The following CXCL8 variants were observed in gnomAD, a reference collection of about 807,000 sequenced individuals.
The protein encoded by CXCL8 is C-X-C motif chemokine ligand 8.
In CXCL8, 12 loss-of-function variants were observed where a neutral mutation model predicts 10.9. That is an observed-to-expected ratio of 1.10 (90% CI 0.71 to 1.79). CXCL8 has a LOEUF of 1.79. Among genes scored for constraint, CXCL8 ranks in the 40% most tolerant of loss-of-function variants. CXCL8 has a pLI of 0.00. For missense variants in CXCL8, 145 were observed against 113.4 expected (o/e 1.28, Z -1.26); for synonymous variants, 41 against 39.6 (o/e 1.03, Z -0.13).
At chr4:73,741,426 A>G (rs1211363562) in intron 1 of CXCL8, 116 bp from the exon 2 acceptor site, 3 of 964,606 alleles carry the variant, frequency 3.1e-6, no homozygotes, top group South Asian at 1.7e-5. Context: ...TGAGTTCACT[A>G]GAAACATGAT....
rs1438640877 is a variant in CXCL8 at position 73,741,778 on chromosome 4, T to G, written c.200+101T>G. ...GTTCCAGGTGTTAGGATTACAGTAGTAAATGAAACAAAACAAAATAAAAAT... is the reference window on the plus strand; with the variant it reads ...GTTCCAGGTGTTAGGATTACAGTAGGAAATGAAACAAAACAAAATAAAAAT... On this transcript the variant is annotated intron_variant, in intron 2 of 3. Transcript: ENST00000307407. The G allele has an allele frequency of 2.6e-6, 3 of 1,157,440 alleles. No homozygotes were observed. In the African/African-American group the frequency reaches 4.8e-5, roughly 18 times the overall value. 71.7% of individuals were successfully genotyped at this position (1,157,440 alleles called of 1,614,324 possible). A position where few individuals can be genotyped will look rare whatever the true frequency, so the allele number is the denominator to read the frequency against.
chr4:73,742,348 T>C lies in CXCL8; in HGVS notation c.285-101T>C, dbSNP rs1729198746. On this transcript the variant is annotated intron_variant, in intron 3 of 3. Transcript: ENST00000307407. ...TATTTATAGTTGAGAATATAGAGCA[T>C]TTCTAACACATGAATGTCAAAGACT... 1.0e-4 allele frequency: 65 copies of C among 629,956 alleles called. 1 individual carries two copies. The South Asian group carries it at 1.4e-3, about 14-fold the overall frequency. The allele number at this position is 629,956 out of a possible 1,614,324, so 39.0% of individuals were successfully genotyped here.
intron 1 of CXCL8, among the ~76,000 whole-genome samples, chr4:73,741,008 C>T (rs148023203): frequency 6.6e-6 from 1 of 152,146 alleles, no homozygotes; most frequent in East Asian, 1.9e-4. Context: ...CTATTGAGAA[C>T]CACGGTTACC....
chr4:73,740,780 A>G (rs1443153527), intron 1 of CXCL8, 58 bp downstream of exon 1: 15 of 1,381,108 alleles, frequency 1.1e-5, no homozygotes, highest in Non-Finnish European at 4.1e-6. Flanking sequence ...ATCCTTAGAT[A>G]GCAAAGCTAT....
intron 1 of CXCL8, among the ~76,000 whole-genome samples, 193 bp downstream of exon 1, chr4:73,740,915 G>A (rs1329221698): frequency 6.6e-6 from 1 of 152,086 alleles, no homozygotes; most frequent in Non-Finnish European, 1.5e-5. Flanking sequence ...TATAAAGTTT[G>A]ATCAATATAG....
rs56291265 is a variant in CXCL8, at chr4:73,741,682, G to A, written c.200+5G>A. The A allele has an allele frequency of 4.4e-6, 7 of 1,604,230 alleles. No individual in the cohort carries two copies. The Admixed American group carries it at 6.9e-5, about 16-fold the overall frequency. The stretch of plus-strand genomic sequence containing the variant: ...CTGCGCCAACACAGAAATTATGTAA[G>A]TACTTTAAAAAAGATTAGATATTTT... On this transcript the variant is annotated splice_donor_5th_base_variant and intron_variant, in intron 2 of 3. Coordinates refer to ENST00000307407, the MANE Select transcript of CXCL8 (RefSeq NM_000584.4).
At chr4:73,742,071 C>G (rs747217394) in intron 3 of CXCL8, 39 bp downstream of exon 3, 2 of 1,214,420 alleles carry the variant, frequency 1.6e-6, no homozygotes, top group African/African-American at 1.6e-5. Flanking sequence ...TTTCATTTAT[C>G]CTGAGACATA....
Position 73,742,542 on chromosome 4 carries a change from A to G in CXCL8, c.*78A>G. The G allele has an allele frequency of 2.3e-6, 2 of 854,344 alleles. No individual in the cohort carries two copies. The highest frequency in any genetic ancestry group is 3.8e-6 in the Non-Finnish European group (2 of 530,758). The allele number at this position is 854,344 out of a possible 1,614,324, so 52.9% of individuals were successfully genotyped here. On this transcript the variant is annotated 3_prime_UTR_variant, in exon 4 of 4. Transcript: ENST00000307407. ...TCAAGCAAATCTACTTCAACACTTC[A>G]TGTATTGTGTGGGTCTGTTGTAGGG...
In CXCL8 at chr4:73,741,568, G is replaced by A. The variant is rs188378669; in HGVS notation, c.91G>A (p.Glu31Lys). The change falls in exon 2 of 4, where the codon GAA becomes AAA. Residue 31 changes from glutamate to lysine, a missense_variant. Physicochemically the swap from Glu to Lys is moderately conservative, Grantham distance 56. Transcript: ENST00000307407. ...EGAVLPRSAK[E>K]LRCQCIKTYS... is the part of the protein sequence containing the mutation. ...TGCAGTTTTGCCAAGGAGTGCTAAA[G>A]AACTTAGATGTCAGTGCATAAAGAC... 36 of 1,613,504 alleles carry A rather than the reference G, an allele frequency of 2.2e-5. No homozygotes were observed. The highest frequency in any genetic ancestry group is 3.0e-5 in the Non-Finnish European group (35 of 1,179,698).
rs2149423545 is a variant in CXCL8, at chr4:73,743,280, T to C, written c.*816T>C. 1 of 216,078 alleles carries C rather than the reference T, an allele frequency of 4.6e-6. No individual in the cohort carries two copies. Among genetic ancestry groups the C allele is most frequent in the Admixed American group, 5.8e-5 (1 of 17,214 alleles). 13.4% of individuals were successfully genotyped at this position (216,078 alleles called of 1,614,324 possible). On this transcript the variant is annotated 3_prime_UTR_variant, in exon 4 of 4. Coordinates refer to ENST00000307407, the MANE Select transcript of CXCL8 (RefSeq NM_000584.4). The stretch of plus-strand genomic sequence containing the variant: ...ATAAATTTCAATCAGGGTTTTTAGA[T>C]TAAACAAACAAACAATTGGGTACCC...
In CXCL8 at chr4:73,743,453, T is replaced by G. The variant is rs934485230; in HGVS notation, c.*989T>G. ...CTGTGTTGGTAGTGCTGTGTTGAAT[T>G]ACGGAATAATGAGTTAGAACTATTA... On this transcript the variant is annotated 3_prime_UTR_variant, in exon 4 of 4. Transcript: ENST00000307407. The G allele has an allele frequency of 4.9e-6, 1 of 203,956 alleles. No homozygotes were observed. Among genetic ancestry groups the G allele is most frequent in the African/African-American group, 2.3e-5 (1 of 43,846 alleles). The allele number at this position is 203,956 out of a possible 1,614,324, so 12.6% of individuals were successfully genotyped here. A position where few individuals can be genotyped will look rare whatever the true frequency, so the allele number is the denominator to read the frequency against.
At chr4:73,742,160 A>C in intron 3 of CXCL8, 128 bp downstream of exon 3, 1 of 613,900 alleles carries the variant, frequency 1.6e-6, no homozygotes, top group Non-Finnish European at 2.9e-6. Context: ...TTAAAAAAAA[A>C]AGGAATAGCA....
chr4:73,742,000 G>A lies in CXCL8; in HGVS notation c.252G>A (p.Trp84Ter), dbSNP rs780209935. 6.2e-7 allele frequency: 1 copy of A among 1,610,260 alleles called. No homozygotes were observed. Among genetic ancestry groups the A allele is most frequent in the Non-Finnish European group, 8.5e-7 (1 of 1,177,378 alleles). ...RELCLDPKEN[W>*]VQRVVEKFLK... is the part of the protein sequence containing the mutation. ...TCTGTCTGGACCCCAAGGAAAACTG[G>A]GTGCAGAGGGTTGTGGAGAAGTTTT... Residue 84 changes from tryptophan to a stop codon, truncating the protein, a stop_gained, in exon 3 of 4, where the codon TGG (tryptophan) becomes TGA (stop). Transcript: ENST00000307407. LOFTEE classifies it high-confidence loss of function.
chr4:73,740,612 G>C lies in CXCL8; in HGVS notation c.-47G>C. ...CAGAGCACACAAGCTTCTAGGACAAGAGCCAGGAAGAAACCACCGGAAGGA... is the reference window on the plus strand; with the variant it reads ...CAGAGCACACAAGCTTCTAGGACAACAGCCAGGAAGAAACCACCGGAAGGA... On this transcript the variant is annotated 5_prime_UTR_variant, in exon 1 of 4. Coordinates refer to ENST00000307407, the MANE Select transcript of CXCL8 (RefSeq NM_000584.4). 1 of 1,556,434 alleles carries C rather than the reference G, an allele frequency of 6.4e-7. No individual in the cohort carries two copies. Among genetic ancestry groups the C allele is most frequent in the Admixed American group, 1.7e-5 (1 of 58,946 alleles).
chr4:73,742,137 T>G, intron 3 of CXCL8, 105 bp downstream of exon 3: 2 of 577,856 alleles, frequency 3.5e-6, no homozygotes, highest in Non-Finnish European at 5.6e-6. Flanking sequence ...TCATTAGGTA[T>G]CTGCCTTTTT....
chr4:73,742,037 GT>G lies in CXCL8; in HGVS notation c.284+7del. The G allele has an allele frequency of 6.5e-7, 1 of 1,531,516 alleles. No homozygotes were observed. Among genetic ancestry groups the G allele is most frequent in the Non-Finnish European group, 8.9e-7 (1 of 1,122,272 alleles). The allele number at this position is 1,531,516 out of a possible 1,614,324, so 94.9% of individuals were successfully genotyped here. A position where few individuals can be genotyped will look rare whatever the true frequency, so the allele number is the denominator to read the frequency against. On this transcript the variant is annotated splice_donor_region_variant and intron_variant, in intron 3 of 3. Transcript: ENST00000307407. Reference sequence around the variant, plus strand: ...TGTGGAGAAGTTTTTGAAGAGGTAAGTTATATATTTTTTAATTTAAATTTTT... The same window carrying G: ...TGTGGAGAAGTTTTTGAAGAGGTAAGTATATATTTTTTAATTTAAATTTTT...
chr4:73,740,827 G>T, intron 1 of CXCL8, 105 bp downstream of exon 1: 1 of 889,336 alleles, frequency 1.1e-6, no homozygotes, highest in Non-Finnish European at 1.8e-6. Flanking sequence ...TTTTTATTCA[G>T]AAACAGAATA....
intron 2 of CXCL8, 89 bp downstream of exon 2, chr4:73,741,766 G>A: frequency 8.0e-7 from 1 of 1,254,836 alleles, no homozygotes; most frequent in Non-Finnish European, 1.1e-6. Flanking sequence ...CCAGGTGTTA[G>A]GATTACAGTA....
At chr4:73,740,870 G>C in intron 1 of CXCL8, 148 bp downstream of exon 1, 1 of 648,882 alleles carries the variant, frequency 1.5e-6, no homozygotes. Context: ...TTAAATTGAA[G>C]ATTTAGAAAA....
Sources: allele counts gnomAD v4.1 joint callset (sites outside exome capture counted in the v4.1 genomes callset), GRCh38; gene constraint gnomAD v4.1.1; transcripts MANE v1.5; gene names NCBI Gene and HGNC (gene_info 2026-07-23, HGNC 2026-07-21).